HTR3B: variants seen among roughly 807,000 people sequenced by gnomAD.
The protein encoded by HTR3B is 5-hydroxytryptamine receptor 3B.
Under a neutral mutation model 42.8 loss-of-function variants are expected in HTR3B, and 44 were observed. The ratio of observed to expected loss-of-function variants is 1.03; its 90% confidence interval spans 0.81 to 1.32. HTR3B has a LOEUF of 1.32. Among genes scored for constraint, HTR3B ranks in the 40% most tolerant of loss-of-function variants. The pLI, the probability that HTR3B is intolerant of heterozygous loss-of-function variation, is 0.00. For missense variants in HTR3B, 527 were observed against 536.5 expected, an observed-to-expected ratio of 0.98 and a Z score of 0.17; for synonymous variants, 203 against 209.0, an observed-to-expected ratio of 0.97 and a Z score of 0.25.
chr11:113,939,154 A>T, intron 6 of HTR3B, among the ~76,000 whole-genome samples: 1 of 152,290 alleles, frequency 6.6e-6, no homozygotes, highest in East Asian at 1.9e-4. Flanking sequence ...AGAATGGATG[A>T]GGTGGTTTTG....
At chr11:113,914,675 A>T (rs1949834212) in intron 2 of HTR3B, among the ~76,000 whole-genome samples, 1 of 151,620 alleles carries the variant, frequency 6.6e-6, no homozygotes, top group Non-Finnish European at 1.5e-5. Flanking sequence ...TTATTTTCTA[A>T]TTAATATATA....
chr11:113,918,510 C>T (rs1440009116), intron 2 of HTR3B, among the ~76,000 whole-genome samples: 2 of 151,964 alleles, frequency 1.3e-5, no homozygotes, highest in Non-Finnish European at 2.9e-5. Flanking sequence ...ATACAATATA[C>T]TACCTTTGAG....
chr11:113,931,346 T>A, intron 2 of HTR3B, 38 bp from the exon 3 acceptor site: 2 of 1,515,720 alleles, frequency 1.3e-6, no homozygotes, highest in East Asian at 4.5e-5. Flanking sequence ...TTTATTGACA[T>A]TCTAAGATTT....
intron 1 of HTR3B, 103 bp downstream of exon 1, chr11:113,905,088 T>C (rs748552264): frequency 4.5e-5 from 35 of 777,156 alleles, no homozygotes; most frequent in Non-Finnish European, 7.2e-5. Context: ...GGCATGTTTG[T>C]TTTTATTCAT....
At chr11:113,945,462 T>C (rs938894036) in intron 8 of HTR3B, among the ~76,000 whole-genome samples, 2 of 152,210 alleles carry the variant, frequency 1.3e-5, no homozygotes, top group Non-Finnish European at 2.9e-5. Context: ...TCCCCAATTT[T>C]AACCAGTTAC....
chr11:113,930,876 C>G (rs1392417512), intron 2 of HTR3B, among the ~76,000 whole-genome samples: 1 of 152,092 alleles, frequency 6.6e-6, no homozygotes, highest in East Asian at 1.9e-4. Flanking sequence ...TCTATTATAT[C>G]ATTTAAAATA....
At chr11:113,915,291 C>T (rs1401998019) in intron 2 of HTR3B, among the ~76,000 whole-genome samples, 1 of 152,140 alleles carries the variant, frequency 6.6e-6, no homozygotes, top group East Asian at 1.9e-4. Context: ...GCAGCCTCAA[C>T]CTCCCATGCT....
chr11:113,906,529 C>T (rs926147184), intron 1 of HTR3B, among the ~76,000 whole-genome samples: 8 of 152,286 alleles, frequency 5.3e-5, no homozygotes, highest in Non-Finnish European at 4.4e-5. Flanking sequence ...AACCTGAAAA[C>T]ACATGCAGAA....
At position 113,939,888 on chromosome 11, in the gene HTR3B, G is replaced by GTTT. The variant is rs60017270; in HGVS notation, c.697-3080_697-3078dup. ...GGCTCTGGAACTCTGTCCCCTTGGT[G>GTTT]TTTTTTTTTTTTTTTTGAGACAGAG... On this transcript the variant is annotated intron_variant, in intron 6 of 8. Transcript: ENST00000260191. 7.0e-4 allele frequency among the ~76,000 whole-genome samples: 96 copies of GTTT among 137,940 alleles called. 1 individual carries two copies. Among genetic ancestry groups the GTTT allele is most frequent in the African/African-American group, 2.1e-3 (80 of 37,706 alleles). The allele number at this position is 137,940 out of a possible 152,430, so 90.5% of individuals were successfully genotyped here.
Position 113,931,419 on chromosome 11 carries a change from G to A in HTR3B, c.249G>A (p.Trp83Ter). Residue 83 changes from tryptophan (W) to a stop codon, truncating the protein, a stop_gained, in exon 3 of 9, where the codon TGG becomes TGA. Transcript: ENST00000260191. LOFTEE classifies it high-confidence loss of function. ...AENQILKTSV[W>*]YQEVWNDEFL... Reference sequence around the variant, plus strand: ...ATCAAATATTAAAGACAAGTGTATGGTACCAAGAGGTAAATAATTATGTTT... The same window carrying A: ...ATCAAATATTAAAGACAAGTGTATGATACCAAGAGGTAAATAATTATGTTT... 1 of 1,590,096 alleles carries A rather than the reference G, an allele frequency of 6.3e-7. No individual in the cohort carries two copies. Among genetic ancestry groups the A allele is most frequent in the South Asian group, 1.1e-5 (1 of 87,674 alleles).
intron 2 of HTR3B, among the ~76,000 whole-genome samples, chr11:113,921,478 C>G (rs1949912443): frequency 6.8e-6 from 1 of 148,132 alleles, no homozygotes; most frequent in African/African-American, 2.5e-5. Flanking sequence ...AAATTGCTGG[C>G]CGGGCGTGGT....
chr11:113,926,677 G>A (rs1024223652), intron 2 of HTR3B, among the ~76,000 whole-genome samples: 6 of 151,760 alleles, frequency 4.0e-5, no homozygotes, highest in Non-Finnish European at 7.4e-5. Context: ...ACAGGTGTGC[G>A]CCGCCACACC....
At chr11:113,936,878 ACCTTGGGG>A (rs1950096138) in intron 6 of HTR3B, among the ~76,000 whole-genome samples, 1 of 152,136 alleles carries the variant, frequency 6.6e-6, no homozygotes. Context: ...TTACAGGCTA[ACCTTGGGG>A]CCTATTCCAT....
chr11:113,931,475 A>T, intron 3 of HTR3B, 47 bp downstream of exon 3: 1 of 1,168,556 alleles, frequency 8.6e-7, no homozygotes. Flanking sequence ...CCTGATCTGG[A>T]TCTGCTGCAA....
chr11:113,926,235 A>G lies in HTR3B; in HGVS notation c.214-5149A>G, dbSNP rs143183714. 7.0e-4 allele frequency among the ~76,000 whole-genome samples: 107 copies of G among 152,266 alleles called. 1 individual carries two copies. Among genetic ancestry groups the G allele is most frequent in the African/African-American group, 2.3e-3 (97 of 41,546 alleles). ...TATTGCTGTATAATCGATTGTATGG[A>G]TATATCACATTTTGTTTATTCACTC... On this transcript the variant is annotated intron_variant, in intron 2 of 8. Coordinates refer to ENST00000260191, the MANE Select transcript of HTR3B (RefSeq NM_006028.5).
intron 2 of HTR3B, among the ~76,000 whole-genome samples, chr11:113,920,413 T>C (rs1949901559): frequency 6.6e-6 from 1 of 151,560 alleles, no homozygotes; most frequent in Admixed American, 6.6e-5. Context: ...ACTCACTCTG[T>C]CACCCAGGAT....
At chr11:113,945,432 A>C (rs1165103009) in intron 8 of HTR3B, among the ~76,000 whole-genome samples, 1 of 152,150 alleles carries the variant, frequency 6.6e-6, no homozygotes, top group African/African-American at 2.4e-5. Context: ...TACCGCACCC[A>C]GCCTATTTGT....
chr11:113,915,520 T>C (rs1949843766), intron 2 of HTR3B, among the ~76,000 whole-genome samples: 1 of 152,262 alleles, frequency 6.6e-6, no homozygotes, highest in Non-Finnish European at 1.5e-5. Context: ...TTTATCCATA[T>C]TGTTGCATAA....
chr11:113,908,159 G>GA (rs1358466834), intron 1 of HTR3B, among the ~76,000 whole-genome samples: 1 of 152,172 alleles, frequency 6.6e-6, no homozygotes, highest in African/African-American at 2.4e-5. Context: ...AAGGAGTCTG[G>GA]CATTGTACCT....
Sources: gnomAD v4.1 joint callset for allele counts (sites outside exome capture counted in the v4.1 genomes callset) on GRCh38, gnomAD v4.1.1 for gene constraint, MANE v1.5 for transcripts, NCBI Gene and HGNC (gene_info 2026-07-23, HGNC 2026-07-21) for gene names.